PIKFYVE: variants seen among roughly 807,000 people sequenced by gnomAD.
PIKFYVE encodes phosphoinositide kinase, FYVE-type zinc finger containing, also known as 1-phosphatidylinositol 3-phosphate 5-kinase.
Under a neutral mutation model 257.9 loss-of-function variants are expected in PIKFYVE, and 122 were observed. That is an observed-to-expected ratio of 0.47 (90% CI 0.41 to 0.55). PIKFYVE has a LOEUF of 0.55. Among genes scored for constraint, PIKFYVE ranks in the 20% least tolerant of loss-of-function variants. The probability of loss-of-function intolerance (pLI) is 0.00; values close to 1 mark genes in which losing one functional copy is unlikely to be tolerated. For missense variants in PIKFYVE, 2,160 were observed against 2,536.6 expected, an observed-to-expected ratio of 0.85 and a Z score of 3.19; for synonymous variants, 892 against 868.9, an observed-to-expected ratio of 1.03 and a Z score of -0.47.
Position 208,347,938 on chromosome 2 carries a change from G to T in PIKFYVE, c.5289G>T (p.Glu1763Asp). 6.2e-7 allele frequency: 1 copy of T among 1,613,852 alleles called. No individual in the cohort carries two copies. The highest frequency in any genetic ancestry group is 2.2e-5 in the East Asian group (1 of 44,882). ...CCGATCTCTCTTCCCAGAAGAGAGA[G>T]ACCTTACGTGGAGCAGATAGTGCTT... ...KSPDLSSQKR[E>D]TLRGADSAYY... The change falls in exon 35 of 42, where the codon GAG becomes GAT. Residue 1763 changes from glutamate to aspartate, a missense_variant. Glu to Asp is a conservative substitution (Grantham distance 45). This residue lies in a region of PIKFYVE where 699 missense variants were observed against 855.8 expected (regional missense o/e 0.82). Transcript: ENST00000264380.
chr2:208,278,582 C>G (rs1156935917), intron 5 of PIKFYVE, among the ~76,000 whole-genome samples: 1 of 152,012 alleles, frequency 6.6e-6, no homozygotes, highest in East Asian at 1.9e-4. Context: ...CTAGTAGTCC[C>G]CTTGTCTATT....
chr2:208,346,292 A>G, intron 34 of PIKFYVE, 145 bp downstream of exon 34: 1 of 759,250 alleles, frequency 1.3e-6, no homozygotes, highest in Non-Finnish European at 2.2e-6. Flanking sequence ...ATATTTTTGT[A>G]TGCCCTCTTT....
intron 1 of PIKFYVE, among the ~76,000 whole-genome samples, chr2:208,267,411 T>G (rs1289281701): frequency 1.3e-5 from 2 of 152,168 alleles, no homozygotes; most frequent in Admixed American, 1.3e-4. Flanking sequence ...GGTTTTCCTT[T>G]AAGCGTGTTG....
chr2:208,353,650 T>G (rs1699969376), intron 39 of PIKFYVE, among the ~76,000 whole-genome samples: 1 of 152,174 alleles, frequency 6.6e-6, no homozygotes, highest in South Asian at 2.1e-4. Flanking sequence ...CGGAAACGTT[T>G]CAGTAATTGA....
At chr2:208,329,593 A>G (rs970499020) in intron 21 of PIKFYVE, among the ~76,000 whole-genome samples, 11 of 152,218 alleles carry the variant, frequency 7.2e-5, no homozygotes, top group African/African-American at 2.4e-4. Flanking sequence ...TACTAAATTA[A>G]TATTATAGTT....
intron 3 of PIKFYVE, among the ~76,000 whole-genome samples, chr2:208,275,756 G>C (rs1027923136): frequency 1.3e-5 from 2 of 152,166 alleles, no homozygotes; most frequent in Non-Finnish European, 2.9e-5. Flanking sequence ...GGAAGATTCA[G>C]AGTGGGGTAT....
chr2:208,277,524 TTTA>T lies in PIKFYVE; in HGVS notation c.442-10_442-8del. 6.2e-7 allele frequency: 1 copy of T among 1,612,930 alleles called. No individual in the cohort carries two copies. The highest frequency in any genetic ancestry group is 8.5e-7 in the Non-Finnish European group (1 of 1,178,958). On this transcript the variant is annotated splice_polypyrimidine_tract_variant and intron_variant, in intron 4 of 41. Coordinates refer to ENST00000264380, the MANE Select transcript of PIKFYVE (RefSeq NM_015040.4). ...TATTTTCAAGAAGCCTTCACACATT[TTTA>T]TTGTTATAGGATAGTGACCTGAAAC... is the stretch of plus-strand genomic sequence containing the variant.
intron 8 of PIKFYVE, among the ~76,000 whole-genome samples, chr2:208,299,161 G>A (rs2125304172): frequency 1.3e-5 from 2 of 152,118 alleles, no homozygotes; most frequent in South Asian, 4.2e-4. Flanking sequence ...TTTTTAATAA[G>A]AAATATATAA....
rs781738717 is a variant in PIKFYVE, at chr2:208,339,561, G to C, written c.4810+6G>C. ...TACAGCCAGCAGTTCCGAAGGTAGA[G>C]GTTAAGTCACTTTTACCATATTTCA... On this transcript the variant is annotated splice_donor_region_variant and intron_variant, in intron 30 of 41. Coordinates refer to ENST00000264380, the MANE Select transcript of PIKFYVE (RefSeq NM_015040.4). 1 of 1,614,000 alleles carries C rather than the reference G, an allele frequency of 6.2e-7. No individual in the cohort carries two copies. The highest frequency in any genetic ancestry group is 2.2e-5 in the East Asian group (1 of 44,878).
intron 3 of PIKFYVE, among the ~76,000 whole-genome samples, chr2:208,275,970 C>T (rs1690050874): frequency 6.6e-6 from 1 of 152,134 alleles, no homozygotes; most frequent in Admixed American, 6.5e-5. Context: ...GGCCATGAGG[C>T]TGGAATTTGG....
intron 10 of PIKFYVE, among the ~76,000 whole-genome samples, chr2:208,302,875 A>T (rs180737772): frequency 6.6e-6 from 1 of 151,950 alleles, no homozygotes; most frequent in Non-Finnish European, 1.5e-5. Flanking sequence ...AGGTCAGGAG[A>T]TCGAGACCAT....
At chr2:208,350,509 C>G (rs1699676316) in intron 36 of PIKFYVE, among the ~76,000 whole-genome samples, 3 of 151,976 alleles carry the variant, frequency 2.0e-5, no homozygotes, top group African/African-American at 4.8e-5. Context: ...AAAATTAGAA[C>G]TGAGTCTTTT....
At chr2:208,324,857 C>T (rs962851521) in intron 18 of PIKFYVE, 54 bp from the exon 19 acceptor site, 3 of 1,587,488 alleles carry the variant, frequency 1.9e-6, no homozygotes, top group Non-Finnish European at 2.6e-6. Context: ...ATTAAATTTA[C>T]AAAGATTTTT....
At chr2:208,310,512 G>C (rs1215508439) in intron 12 of PIKFYVE, among the ~76,000 whole-genome samples, 2 of 152,142 alleles carry the variant, frequency 1.3e-5, no homozygotes, top group Non-Finnish European at 1.5e-5. Context: ...TGTATTACAA[G>C]CAGGATTCTG....
chr2:208,326,662 A>G (rs975424292), intron 20 of PIKFYVE, among the ~76,000 whole-genome samples: 2 of 152,198 alleles, frequency 1.3e-5, no homozygotes, highest in African/African-American at 4.8e-5. Context: ...AGCTTATAAT[A>G]AGCTAGGAAG....
chr2:208,354,462 C>G lies in PIKFYVE; in HGVS notation c.6107-109C>G, dbSNP rs1201814462. The G allele has an allele frequency of 2.8e-6, 3 of 1,060,050 alleles. No homozygotes were observed. The African/African-American group carries it at 4.7e-5, about 17-fold the overall frequency. 65.7% of individuals were successfully genotyped at this position (1,060,050 alleles called of 1,614,324 possible). The stretch of plus-strand genomic sequence containing the variant: ...CAGCACTTGGCACATTGTTAGCACT[C>G]AATAAAAGTTAACTGTCATAGAAGT... On this transcript the variant is annotated intron_variant, in intron 40 of 41. Coordinates refer to ENST00000264380, the MANE Select transcript of PIKFYVE (RefSeq NM_015040.4).
At chr2:208,291,645 C>T (rs1452815262) in intron 7 of PIKFYVE, among the ~76,000 whole-genome samples, 1 of 152,044 alleles carries the variant, frequency 6.6e-6, no homozygotes, top group African/African-American at 2.4e-5. Flanking sequence ...GATTCAATTT[C>T]TTTAAGAGAA....
intron 16 of PIKFYVE, 64 bp from the exon 17 acceptor site, chr2:208,320,188 A>C: frequency 6.4e-7 from 1 of 1,567,506 alleles, no homozygotes; most frequent in Non-Finnish European, 8.6e-7. Context: ...TTAAAGTTAT[A>C]ATTAAAGGAG....
In PIKFYVE at chr2:208,317,857, G is replaced by A; in HGVS notation, c.2008-10G>A. 1 of 1,604,460 alleles carries A rather than the reference G, an allele frequency of 6.2e-7. No homozygotes were observed. Among genetic ancestry groups the A allele is most frequent in the Middle Eastern group, 1.7e-4 (1 of 6,044 alleles). On this transcript the variant is annotated splice_polypyrimidine_tract_variant and intron_variant, in intron 15 of 41. Transcript: ENST00000264380. Reference sequence around the variant, plus strand: ...ATTGAATTTTATTGTTTTCTTAATTGTTCCATTAGATCCCAGGTGGAAAGA... The same window carrying A: ...ATTGAATTTTATTGTTTTCTTAATTATTCCATTAGATCCCAGGTGGAAAGA...
Sources: allele counts gnomAD v4.1 joint callset (sites outside exome capture counted in the v4.1 genomes callset), GRCh38; gene constraint gnomAD v4.1.1; regional missense constraint gnomAD v4.1.1; transcripts MANE v1.5; gene names NCBI Gene and HGNC (gene_info 2026-07-23, HGNC 2026-07-21).